GABBR1: variants seen among roughly 807,000 people sequenced by gnomAD.
GABBR1 encodes gamma-aminobutyric acid type B receptor subunit 1, also known as GABA-B receptor, R1 subunit.
A neutral mutation model predicts 117.7 loss-of-function variants in GABBR1; 35 were observed. That is an observed-to-expected ratio of 0.30 (90% confidence interval 0.23 to 0.39). The LOEUF (loss-of-function observed/expected upper bound fraction) is 0.39, where lower values mean the gene tolerates loss of function less well. Among genes scored for constraint, GABBR1 ranks in the 10% least tolerant of loss-of-function variants. The pLI, the probability that GABBR1 is intolerant of heterozygous loss-of-function variation, is 1.00. For synonymous variants in GABBR1, 442 were observed against 486.6 expected, an observed-to-expected ratio of 0.91 and a Z score of 1.21; for missense variants, 709 against 1,241.8, an observed-to-expected ratio of 0.57 and a Z score of 6.45.
intron 11 of GABBR1, among the ~76,000 whole-genome samples, chr6:29,617,502 A>G (rs1048963160): frequency 3.3e-5 from 5 of 151,994 alleles, no homozygotes; most frequent in East Asian, 1.9e-4. Flanking sequence ...GGGTTTCACC[A>G]TGTTAGCCAG....
In GABBR1 at chr6:29,631,583, G is replaced by A. The variant is rs1272653988; in HGVS notation, c.102C>T (p.His34=). ...NATSEGCQII[H]PPWEGGIRYR... ...ACCTGATGCCCCCTTCCCAGGGCGG[G>A]TGTATGATCTGGCAACCTAAGGGGT... is the stretch of plus-strand genomic sequence containing the variant. The change falls in exon 3 of 23, where the codon CAC becomes CAT. Residue 34 remains histidine (H), a synonymous_variant. Coordinates refer to ENST00000377034, the MANE Select transcript of GABBR1 (RefSeq NM_001470.4). This position sits in a 1 kb window ranked among gnomAD's most constrained non-coding sequence, Gnocchi z 5.9. The A allele has an allele frequency of 1.2e-6, 2 of 1,614,044 alleles. No individual in the cohort carries two copies. The highest frequency in any genetic ancestry group is 1.7e-5 in the Admixed American group (1 of 60,000).
rs1761459125 is a variant in GABBR1 at position 29,602,449 on chromosome 6, CACAAA to C, written c.*1089_*1093del. 6.5e-6 allele frequency: 1 copy of C among 154,606 alleles called. No individual in the cohort carries two copies. Among genetic ancestry groups the C allele is most frequent in the Non-Finnish European group, 1.4e-5 (1 of 69,548 alleles). 9.6% of individuals were successfully genotyped at this position (154,606 alleles called of 1,614,324 possible). On this transcript the variant is annotated 3_prime_UTR_variant, in exon 23 of 23. Transcript: ENST00000377034. Reference sequence around the variant, plus strand: ...TTTTCCTTAATTCCCCTCAAAAAAACACAAAACAAAAGGGAGCAGTCTTGGGAGAA... The same window carrying C: ...TTTTCCTTAATTCCCCTCAAAAAAACACAAAAGGGAGCAGTCTTGGGAGAA...
Position 29,623,272 on chromosome 6 carries a change from T to A in GABBR1, c.963+33A>T, listed in dbSNP as rs2127435199. 6.3e-7 allele frequency: 1 copy of A among 1,577,962 alleles called. No individual in the cohort carries two copies. The highest frequency in any genetic ancestry group is 2.3e-5 in the East Asian group (1 of 44,232). Reference sequence around the variant, plus strand: ...CTCCTGGTGCTGGAATTTGAGCTTATGTCCCTTTACCCCTTGCCCAACCCC... The same window carrying A: ...CTCCTGGTGCTGGAATTTGAGCTTAAGTCCCTTTACCCCTTGCCCAACCCC... On this transcript the variant is annotated intron_variant, in intron 8 of 22. Transcript: ENST00000377034. This position sits in a 1 kb window ranked among gnomAD's most constrained non-coding sequence, Gnocchi z 6.2.
In GABBR1 at chr6:29,603,225, A is replaced by T. The variant is rs1406970846; in HGVS notation, c.*318T>A. 2 of 557,998 alleles carry T rather than the reference A, an allele frequency of 3.6e-6. No homozygotes were observed. The highest frequency in any genetic ancestry group is 6.8e-6 in the Non-Finnish European group (2 of 292,168). The allele number at this position is 557,998 out of a possible 1,614,324, so 34.6% of individuals were successfully genotyped here. A position where few individuals can be genotyped will look rare whatever the true frequency, so the allele number is the denominator to read the frequency against. On this transcript the variant is annotated 3_prime_UTR_variant, in exon 23 of 23. Transcript: ENST00000377034. Reference sequence around the variant, plus strand: ...CGTGGTAACTAGAAGAGGGTGTTGCATGGGAAGAGAAAGATGCAGTGAGGC... The same window carrying T: ...CGTGGTAACTAGAAGAGGGTGTTGCTTGGGAAGAGAAAGATGCAGTGAGGC...
In GABBR1 at chr6:29,632,482, C is replaced by T; in HGVS notation, c.1-97G>A. 2 of 1,103,032 alleles carry T rather than the reference C, an allele frequency of 1.8e-6. No homozygotes were observed. Among genetic ancestry groups the T allele is most frequent in the African/African-American group, 1.7e-5 (1 of 60,334 alleles). 68.3% of individuals were successfully genotyped at this position (1,103,032 alleles called of 1,614,324 possible). A position where few individuals can be genotyped will look rare whatever the true frequency, so the allele number is the denominator to read the frequency against. On this transcript the variant is annotated intron_variant, in intron 1 of 22. Transcript: ENST00000377034. The surrounding 1 kb of genome is among the most constrained non-coding windows in gnomAD (Gnocchi z 5.8). The stretch of plus-strand genomic sequence containing the variant: ...CTCTTGCCGGTTGCCTCGCAGGCTC[C>T]GACCGGGCTCAGCCTGGGGACCAAG...
Position 29,609,132 on chromosome 6 carries a change from G to T in GABBR1, c.1859+97C>A. ...AGAATGAAAAACTCCATGATACATG[G>T]CCATGGGAGTTACACAGGTTTTATT... On this transcript the variant is annotated intron_variant, in intron 15 of 22. Coordinates refer to ENST00000377034, the MANE Select transcript of GABBR1 (RefSeq NM_001470.4). This position sits in a 1 kb window ranked among gnomAD's most constrained non-coding sequence, Gnocchi z 4.3. 1.7e-6 allele frequency: 2 copies of T among 1,184,086 alleles called. No homozygotes were observed. Among genetic ancestry groups the T allele is most frequent in the Non-Finnish European group, 2.4e-6 (2 of 823,540 alleles). The allele number at this position is 1,184,086 out of a possible 1,614,324, so 73.3% of individuals were successfully genotyped here.
intron 11 of GABBR1, among the ~76,000 whole-genome samples, chr6:29,617,888 T>C (rs1763330415): frequency 6.6e-6 from 1 of 152,236 alleles, no homozygotes; most frequent in Admixed American, 6.5e-5. Flanking sequence ...TATCGAGCAT[T>C]TTCCTGAGGA....
At position 29,603,561 on chromosome 6, in the gene GABBR1, C is replaced by A. The variant is rs766876709; in HGVS notation, c.2868G>T (p.Val956=). ...PDRLSCDGSR[V]HLLYK is the part of the protein sequence containing the mutation. ...CCTACCCTCACTTATAAAGCAAATG[C>A]ACTCGACTCCCATCACAGCTAAGCC... Residue 956 remains valine (V), a synonymous_variant, in exon 23 of 23, where the codon GTG becomes GTT. Transcript: ENST00000377034. 9 of 1,584,012 alleles carry A rather than the reference C, an allele frequency of 5.7e-6. No individual in the cohort carries two copies. The highest frequency in any genetic ancestry group is 7.7e-6 in the Non-Finnish European group (9 of 1,165,810).
At position 29,620,986 on chromosome 6, in the gene GABBR1, T is replaced by C. The variant is rs1204056465; in HGVS notation, c.1323+115A>G. ...CAAGTTCAGGGTGGGCACAGCCCCC[T>C]CTTCTCCTTTATATCCAAATTCCGC... On this transcript the variant is annotated intron_variant, in intron 11 of 22. Transcript: ENST00000377034. The surrounding 1 kb of genome is among the most constrained non-coding windows in gnomAD (Gnocchi z 4.5). 1.2e-6 allele frequency: 1 copy of C among 822,314 alleles called. No individual in the cohort carries two copies. Among genetic ancestry groups the C allele is most frequent in the African/African-American group, 1.7e-5 (1 of 58,032 alleles). 50.9% of individuals were successfully genotyped at this position (822,314 alleles called of 1,614,324 possible).
chr6:29,608,449 G>A, intron 16 of GABBR1, 152 bp downstream of exon 16: 1 of 761,786 alleles, frequency 1.3e-6, no homozygotes, highest in Middle Eastern at 3.0e-4. Context: ...GAGCCAAACA[G>A]AGAACAGAGG....
chr6:29,613,036 G>A lies in GABBR1; in HGVS notation c.1566+207C>T, dbSNP rs1281322211. Among the ~76,000 whole-genome samples the A allele has an allele frequency of 1.3e-5, 2 of 151,980 alleles. No homozygotes were observed. Among genetic ancestry groups the A allele is most frequent in the Non-Finnish European group, 2.9e-5 (2 of 67,992 alleles). ...TAGTTTGAAAAGAAATGAGGGGAGG[G>A]GTTTAAAAAAATGGAATACATCATT... On this transcript the variant is annotated intron_variant, in intron 12 of 22. Coordinates refer to ENST00000377034, the MANE Select transcript of GABBR1 (RefSeq NM_001470.4). The surrounding 1 kb of genome is among the most constrained non-coding windows in gnomAD (Gnocchi z 4.1).
Position 29,603,590 on chromosome 6 carries a change from CG to C in GABBR1, c.2838del (p.Asp947ThrfsTer224). On this transcript the variant is annotated frameshift_variant, in exon 23 of 23. Transcript: ENST00000377034. LOFTEE classifies it high-confidence loss of function. ...CGACTCCCATCACAGCTAAGCCGGT[CG>C]GGGGGCTCAGGGGGTCCCCTGGGCA... ...GGLPRGPPEP[P>X]DRLSCDGSRV... 1 of 1,591,542 alleles carries C rather than the reference CG, an allele frequency of 6.3e-7. No individual in the cohort carries two copies. The highest frequency in any genetic ancestry group is 8.5e-7 in the Non-Finnish European group (1 of 1,169,866).
At chr6:29,603,919 T>C (rs1180842572) in intron 22 of GABBR1, among the ~76,000 whole-genome samples, 3 of 151,712 alleles carry the variant, frequency 2.0e-5, no homozygotes, top group Non-Finnish European at 4.4e-5. Context: ...AGGATACCGA[T>C]AGAAAAAATG....
intron 6 of GABBR1, 179 bp from the exon 7 acceptor site, chr6:29,624,203 T>C: frequency 3.5e-6 from 2 of 573,950 alleles, no homozygotes; most frequent in Non-Finnish European, 3.0e-6. Flanking sequence ...TTTCTCCTCT[T>C]TCATTAAACT....
In GABBR1 at chr6:29,613,504, T is replaced by C. The variant is rs930319233; in HGVS notation, c.1324-19A>G. 1.2e-6 allele frequency: 2 copies of C among 1,609,870 alleles called. No homozygotes were observed. The highest frequency in any genetic ancestry group is 1.7e-6 in the Non-Finnish European group (2 of 1,177,818). ...GGGATGTCTTGGGAGGAAAAAATCA[T>C]GAGGAAAGAACTGAAATGTGTGTGG... On this transcript the variant is annotated intron_variant, in intron 11 of 22. Transcript: ENST00000377034. This position sits in a 1 kb window ranked among gnomAD's most constrained non-coding sequence, Gnocchi z 4.1.
rs1377730909 is a variant in GABBR1, at chr6:29,632,649, C to T, written c.-1+201G>A. 1 of 1,457,366 alleles carries T rather than the reference C, an allele frequency of 6.9e-7. No homozygotes were observed. The highest frequency in any genetic ancestry group is 9.1e-7 in the Non-Finnish European group (1 of 1,100,730). The allele number at this position is 1,457,366 out of a possible 1,614,324, so 90.3% of individuals were successfully genotyped here. A position where few individuals can be genotyped will look rare whatever the true frequency, so the allele number is the denominator to read the frequency against. ...TCCACCTCTCACCACCTCCTCTCCC[C>T]CGGCCCCCGCGGCTCGCAGAAGCCT... On this transcript the variant is annotated intron_variant, in intron 1 of 22. Coordinates refer to ENST00000377034, the MANE Select transcript of GABBR1 (RefSeq NM_001470.4). This position sits in a 1 kb window ranked among gnomAD's most constrained non-coding sequence, Gnocchi z 5.8.
At position 29,631,635 on chromosome 6, in the gene GABBR1, T is replaced by C. The variant is rs1340739996; in HGVS notation, c.86-36A>G. Reference sequence around the variant, plus strand: ...AGTCGGGGAGGCATACAGAGAGGAATGGTGGGAAAGAGGAAAAGGCAGGCT... The same window carrying C: ...AGTCGGGGAGGCATACAGAGAGGAACGGTGGGAAAGAGGAAAAGGCAGGCT... On this transcript the variant is annotated intron_variant, in intron 2 of 22. Transcript: ENST00000377034. The surrounding 1 kb of genome is among the most constrained non-coding windows in gnomAD (Gnocchi z 5.9). 6.3e-7 allele frequency: 1 copy of C among 1,595,328 alleles called. No individual in the cohort carries two copies. The highest frequency in any genetic ancestry group is 8.6e-7 in the Non-Finnish European group (1 of 1,163,548).
Position 29,609,104 on chromosome 6 carries a change from G to GT in GABBR1, c.1859+124dup. Reference sequence around the variant, plus strand: ...GTTTCCCTGTTTTCATTCTCAACAAGTCAGAATGAAAAACTCCATGATACA... The same window carrying GT: ...GTTTCCCTGTTTTCATTCTCAACAAGTTCAGAATGAAAAACTCCATGATACA... On this transcript the variant is annotated intron_variant, in intron 15 of 22. Coordinates refer to ENST00000377034, the MANE Select transcript of GABBR1 (RefSeq NM_001470.4). The surrounding 1 kb of genome is among the most constrained non-coding windows in gnomAD (Gnocchi z 4.3). 3 of 925,918 alleles carry GT rather than the reference G, an allele frequency of 3.2e-6. No individual in the cohort carries two copies. Among genetic ancestry groups the GT allele is most frequent in the Non-Finnish European group, 4.9e-6 (3 of 614,684 alleles). The allele number at this position is 925,918 out of a possible 1,614,324, so 57.4% of individuals were successfully genotyped here.
Position 29,605,047 on chromosome 6 carries a change from G to A in GABBR1, c.2440-59C>T. The A allele has an allele frequency of 6.6e-7, 1 of 1,525,786 alleles. No individual in the cohort carries two copies. The highest frequency in any genetic ancestry group is 2.3e-5 in the East Asian group (1 of 44,004). The allele number at this position is 1,525,786 out of a possible 1,614,324, so 94.5% of individuals were successfully genotyped here. ...TCTGCAGGCTCAGACAAGATCCAGAGTTTACTTCCCATGGGAGGGAGTCTA... is the reference window on the plus strand; with the variant it reads ...TCTGCAGGCTCAGACAAGATCCAGAATTTACTTCCCATGGGAGGGAGTCTA... On this transcript the variant is annotated intron_variant, in intron 20 of 22. Transcript: ENST00000377034. The surrounding 1 kb of genome is among the most constrained non-coding windows in gnomAD (Gnocchi z 4.2).
Sources: gnomAD v4.1 joint callset for allele counts (sites outside exome capture counted in the v4.1 genomes callset) on GRCh38, gnomAD v4.1.1 for gene constraint, Gnocchi (gnomAD v3.1) non-coding constraint, MANE v1.5 for transcripts, NCBI Gene and HGNC (gene_info 2026-07-23, HGNC 2026-07-21) for gene names.